DACH2: variants seen among roughly 807,000 people sequenced by gnomAD.
The protein encoded by DACH2 is dachshund family transcription factor 2, also known as dachshund homolog 2.
In DACH2, 17 loss-of-function variants were observed where a neutral mutation model predicts 35.8. That is an observed-to-expected ratio of 0.48 (90% CI 0.33 to 0.71). The LOEUF (loss-of-function observed/expected upper bound fraction) is 0.71. Among genes scored for constraint, DACH2 ranks in the 30% least tolerant of loss-of-function variants. The pLI, the probability that DACH2 is intolerant of heterozygous loss-of-function variation, is 0.02. For missense variants in DACH2, 469 were observed against 472.7 expected (o/e 0.99, Z 0.07); for synonymous variants, 195 against 177.3 (o/e 1.10, Z -0.79).
chrX:86,287,934 T>A (rs1269059278), intron 1 of DACH2, among the ~76,000 whole-genome samples: 4 of 111,696 alleles, frequency 3.6e-5, no homozygotes, highest in Non-Finnish European at 7.5e-5. Flanking sequence ...TCCTAGAGGG[T>A]CTTGATGCTT....
In DACH2 at chrX:86,354,859, A is replaced by C. The variant is rs199706129; in HGVS notation, c.489-21965A>C. 1.3e-4 allele frequency among the ~76,000 whole-genome samples: 2 copies of C among 15,995 alleles called. 1 individual carries two copies. Among genetic ancestry groups the C allele is most frequent in the Non-Finnish European group, 2.2e-4 (2 of 9,183 alleles). 13.9% of individuals were successfully genotyped at this position (15,995 alleles called of 115,157 possible). A position where few individuals can be genotyped will look rare whatever the true frequency, so the allele number is the denominator to read the frequency against. On this transcript the variant is annotated intron_variant, in intron 1 of 11. Transcript: ENST00000373125. ...AAAAAAAAATAAATGAAAAAAAAAA[A>C]CAAAACAAAACAAAATAAAACACTA...
At chrX:86,516,020 C>T (rs1367642170) in intron 3 of DACH2, among the ~76,000 whole-genome samples, 1 of 111,854 alleles carries the variant, frequency 8.9e-6, no homozygotes, top group African/African-American at 3.3e-5. Context: ...GGATGATTCA[C>T]GTCTAGCTTG....
At chrX:86,244,843 C>G (rs1284981107) in intron 1 of DACH2, among the ~76,000 whole-genome samples, 2 of 112,044 alleles carry the variant, frequency 1.8e-5, no homozygotes, top group African/African-American at 3.2e-5. Context: ...GAGATTGCCA[C>G]TAAAAATTAT....
At chrX:86,498,532 A>G (rs1369749755) in intron 2 of DACH2, among the ~76,000 whole-genome samples, 12 of 112,270 alleles carry the variant, frequency 1.1e-4, no homozygotes, top group Non-Finnish European at 1.9e-4. Flanking sequence ...TCTGCACATC[A>G]TGTTATCTGT....
intron 2 of DACH2, among the ~76,000 whole-genome samples, chrX:86,429,112 G>A (rs912574111): frequency 3.6e-5 from 4 of 110,884 alleles, no homozygotes; most frequent in South Asian, 3.8e-4. Flanking sequence ...AGGTTGTTGA[G>A]TGTATAAAGG....
chrX:86,158,414 A>G (rs1442379089), intron 1 of DACH2, among the ~76,000 whole-genome samples: 1 of 111,433 alleles, frequency 9.0e-6, no homozygotes, highest in Non-Finnish European at 1.9e-5. Flanking sequence ...TTTAAGCTGT[A>G]GACATTTGGA....
At chrX:86,552,345 C>G (rs1454238720) in intron 3 of DACH2, among the ~76,000 whole-genome samples, 1 of 111,711 alleles carries the variant, frequency 9.0e-6, no homozygotes, top group Admixed American at 9.6e-5. Flanking sequence ...CATGCTAAAA[C>G]AGCCATAAAG....
chrX:86,605,290 A>G (rs1192168460), intron 3 of DACH2, among the ~76,000 whole-genome samples: 1 of 111,546 alleles, frequency 9.0e-6, no homozygotes, highest in Non-Finnish European at 1.9e-5. Flanking sequence ...CTTTAAAAAA[A>G]CATTTCTTTT....
intron 2 of DACH2, among the ~76,000 whole-genome samples, chrX:86,442,614 AT>A (rs1432955288): frequency 9.8e-6 from 1 of 102,027 alleles, no homozygotes; most frequent in Non-Finnish European, 2.0e-5. Flanking sequence ...TTATCCAAAA[AT>A]TTTTTGCCTA....
chrX:86,562,271 G>T (rs767826147), intron 3 of DACH2, among the ~76,000 whole-genome samples: 126 of 110,741 alleles, frequency 1.1e-3, no homozygotes, highest in African/African-American at 4.1e-3. Context: ...AGTAAAATTT[G>T]TTTTATTTAT....
At chrX:86,249,514 C>G (rs1324005864) in intron 1 of DACH2, among the ~76,000 whole-genome samples, 1 of 111,351 alleles carries the variant, frequency 9.0e-6, no homozygotes, top group Non-Finnish European at 1.9e-5. Context: ...TCATCTCATA[C>G]TAGTCAGAAT....
At chrX:86,261,573 C>CA (rs912629000) in intron 1 of DACH2, among the ~76,000 whole-genome samples, 1 of 111,254 alleles carries the variant, frequency 9.0e-6, no homozygotes, top group African/African-American at 3.3e-5. Context: ...AAATTCACAG[C>CA]AAAAAATGTA....
intron 3 of DACH2, among the ~76,000 whole-genome samples, chrX:86,607,544 C>A (rs2039874406): frequency 9.0e-6 from 1 of 110,987 alleles, no homozygotes; most frequent in African/African-American, 3.3e-5. Context: ...CTATTTATAT[C>A]TTATTGTACT....
intron 1 of DACH2, among the ~76,000 whole-genome samples, chrX:86,330,321 C>G (rs1272542150): frequency 2.7e-5 from 3 of 111,808 alleles, no homozygotes; most frequent in Non-Finnish European, 5.7e-5. Flanking sequence ...GAGGTTCCAG[C>G]TAATTGAAAT....
chrX:86,560,762 A>G (rs1166152329), intron 3 of DACH2, among the ~76,000 whole-genome samples: 1 of 60,078 alleles, frequency 1.7e-5, no homozygotes, highest in Non-Finnish European at 3.1e-5. Flanking sequence ...GATGGATTAA[A>G]GATTTAAACG....
At chrX:86,316,906 T>A (rs1217816436) in intron 1 of DACH2, among the ~76,000 whole-genome samples, 1 of 109,907 alleles carries the variant, frequency 9.1e-6, no homozygotes, top group East Asian at 2.9e-4. Flanking sequence ...GATCGCGAGG[T>A]CAGAAGTTCA....
intron 1 of DACH2, among the ~76,000 whole-genome samples, chrX:86,191,426 C>T (rs942750518): frequency 7.2e-5 from 8 of 110,891 alleles, no homozygotes; most frequent in Non-Finnish European, 1.3e-4. Flanking sequence ...AGCTAAGCCT[C>T]AAGTATATAT....
At chrX:86,737,043 A>G (rs746417017) in intron 6 of DACH2, among the ~76,000 whole-genome samples, 2 of 111,668 alleles carry the variant, frequency 1.8e-5, no homozygotes, top group Non-Finnish European at 3.8e-5. Context: ...ACATGCACAC[A>G]CATACTATTT....
At chrX:86,416,945 T>C (rs758988101) in intron 2 of DACH2, among the ~76,000 whole-genome samples, 190 of 108,524 alleles carry the variant, frequency 1.8e-3, no homozygotes, top group African/African-American at 6.3e-3. Context: ...AATGCAAAAA[T>C]TAGCCAAGTG....
Sources: gnomAD v4.1 joint callset for allele counts (sites outside exome capture counted in the v4.1 genomes callset) on GRCh38, gnomAD v4.1.1 for gene constraint, MANE v1.5 for transcripts, NCBI Gene and HGNC (gene_info 2026-07-23, HGNC 2026-07-21) for gene names.